CHRDL2: variants seen among roughly 807,000 people sequenced by gnomAD.
CHRDL2 encodes chordin like 2.
In CHRDL2, 41 loss-of-function variants were observed where a neutral mutation model predicts 54.3. The observed-to-expected ratio is 0.76, with a 90% CI of 0.59 to 0.98. The LOEUF (loss-of-function observed/expected upper bound fraction) is 0.98. Ranked by LOEUF, CHRDL2 falls within the 50% of genes least tolerant of loss-of-function variation. The pLI, the probability that CHRDL2 is intolerant of heterozygous loss-of-function variation, is 0.00. For missense variants in CHRDL2, 518 were observed against 562.4 expected, an observed-to-expected ratio of 0.92 and a Z score of 0.80; for synonymous variants, 220 against 224.3, an observed-to-expected ratio of 0.98 and a Z score of 0.17.
intron 4 of CHRDL2, 130 bp downstream of exon 4, chr11:74,710,719 C>G: frequency 8.1e-7 from 1 of 1,237,970 alleles, no homozygotes; most frequent in East Asian, 2.7e-5. Flanking sequence ...CCAGATATTC[C>G]CTTTCCCCTG....
At chr11:74,697,995 C>T (rs1489740004) in intron 9 of CHRDL2, among the ~76,000 whole-genome samples, 1 of 152,092 alleles carries the variant, frequency 6.6e-6, no homozygotes, top group Admixed American at 6.6e-5. Context: ...CCTGAGGAGG[C>T]CAAGCCTTTT....
chr11:74,704,845 T>C, intron 6 of CHRDL2, 191 bp from the exon 7 acceptor site: 1 of 619,628 alleles, frequency 1.6e-6, no homozygotes, highest in South Asian at 1.9e-5. Context: ...AGTTCGATCT[T>C]TGAAAACTCT....
At chr11:74,721,741 T>A in intron 1 of CHRDL2, among the ~76,000 whole-genome samples, 1 of 152,264 alleles carries the variant, frequency 6.6e-6, no homozygotes, top group Middle Eastern at 3.2e-3. Flanking sequence ...AAGTTCACTG[T>A]GTGACATTCA....
intron 2 of CHRDL2, among the ~76,000 whole-genome samples, chr11:74,714,790 C>T (rs2034298401): frequency 6.6e-6 from 1 of 152,186 alleles, no homozygotes; most frequent in Non-Finnish European, 1.5e-5. Context: ...TAGAATCGGT[C>T]TCTTGATTCT....
chr11:74,702,575 C>T (rs1277821699), intron 9 of CHRDL2, among the ~76,000 whole-genome samples: 1 of 152,222 alleles, frequency 6.6e-6, no homozygotes, highest in Non-Finnish European at 1.5e-5. Context: ...AGAGGGAGCA[C>T]TATCGAGCCT....
chr11:74,702,281 C>CT (rs1449198288), intron 9 of CHRDL2, among the ~76,000 whole-genome samples: 5 of 151,664 alleles, frequency 3.3e-5, no homozygotes, highest in Admixed American at 6.6e-5. Flanking sequence ...GAAAAAACTC[C>CT]TCTTGACCTT....
chr11:74,722,864 A>G (rs1199191864), intron 1 of CHRDL2, among the ~76,000 whole-genome samples: 2 of 152,200 alleles, frequency 1.3e-5, no homozygotes, highest in African/African-American at 4.8e-5. Context: ...GAGAATGGGA[A>G]GGCAGGAGTG....
At chr11:74,719,831 T>A (rs1744688046) in intron 1 of CHRDL2, among the ~76,000 whole-genome samples, 1 of 152,122 alleles carries the variant, frequency 6.6e-6, no homozygotes, top group African/African-American at 2.4e-5. Flanking sequence ...AACCCACTGA[T>A]CCACTCCTGC....
At chr11:74,702,432 A>G (rs1433569292) in intron 9 of CHRDL2, among the ~76,000 whole-genome samples, 5 of 152,060 alleles carry the variant, frequency 3.3e-5, no homozygotes, top group Non-Finnish European at 5.9e-5. Flanking sequence ...AGGCCCTCCT[A>G]CTCTGAGGAT....
rs756931331 is a variant in CHRDL2 at position 74,703,478 on chromosome 11, G to A, written c.773C>T (p.Thr258Met). The A allele has an allele frequency of 2.4e-5, 38 of 1,604,902 alleles. No individual in the cohort carries two copies. The highest frequency in any genetic ancestry group is 1.0e-4 in the South Asian group (9 of 90,054). The change falls in exon 8 of 11, where the codon ACG (threonine) becomes ATG (methionine). Residue 258 changes from threonine (T) to methionine (M), a missense_variant. Transcript: ENST00000376332. ...GTGCCACACCTCCCCGTGGGAGTAC[G>A]TCTTCCCGCCATGCACACAGGCTGA... ...HKKACVHGGKTYSHGEVWHPA... is the reference protein window; with the variant it reads ...HKKACVHGGKMYSHGEVWHPA...
intron 5 of CHRDL2, among the ~76,000 whole-genome samples, chr11:74,708,040 C>T (rs2034065152): frequency 6.6e-6 from 1 of 152,176 alleles, no homozygotes; most frequent in Non-Finnish European, 1.5e-5. Flanking sequence ...GGACATATTC[C>T]TGTATTGCTT....
chr11:74,700,649 T>TA (rs1565147117), intron 9 of CHRDL2, among the ~76,000 whole-genome samples: 2 of 141,362 alleles, frequency 1.4e-5, no homozygotes, highest in African/African-American at 2.5e-5. Context: ...TATTATTTTT[T>TA]TTTTTTTGAG....
chr11:74,696,839 C>T (rs1218316739), intron 10 of CHRDL2, among the ~76,000 whole-genome samples: 1 of 152,178 alleles, frequency 6.6e-6, no homozygotes, highest in Non-Finnish European at 1.5e-5. Flanking sequence ...CTGTGACCTC[C>T]CCTCCCCGAC....
In CHRDL2 at chr11:74,731,122, AGAT is replaced by A. The variant is rs1369608037; in HGVS notation, c.-237_-235del. 5 of 548,334 alleles carry A rather than the reference AGAT, an allele frequency of 9.1e-6. No homozygotes were observed. The African/African-American group carries it at 9.7e-5, about 11-fold the overall frequency. 34.0% of individuals were successfully genotyped at this position (548,334 alleles called of 1,614,324 possible). ...AAGAGAACGCGGGGAAAGGAGGGAG[AGAT>A]GGAGAGACGAAGGAAGGTCCAGCAG... On this transcript the variant is annotated 5_prime_UTR_variant, in exon 1 of 11. Transcript: ENST00000376332. This position sits in a 1 kb window ranked among gnomAD's most constrained non-coding sequence, Gnocchi z 4.4.
At chr11:74,708,502 A>G (rs142222574) in intron 4 of CHRDL2, 107 bp from the exon 5 acceptor site, 5 of 799,648 alleles carry the variant, frequency 6.3e-6, no homozygotes, top group Non-Finnish European at 9.5e-6. Flanking sequence ...GGTCTCTCCT[A>G]TGGTGGGGAG....
chr11:74,725,849 C>T (rs1005845725), intron 1 of CHRDL2, among the ~76,000 whole-genome samples: 9 of 152,166 alleles, frequency 5.9e-5, no homozygotes, highest in African/African-American at 1.4e-4. Context: ...GAATGTAGAA[C>T]GTTTACATCT....
intron 5 of CHRDL2, 130 bp from the exon 6 acceptor site, chr11:74,706,672 A>G: frequency 1.3e-6 from 1 of 782,082 alleles, no homozygotes; most frequent in Non-Finnish European, 2.1e-6. Context: ...CCAGCCCACT[A>G]GCCAGCTCCT....
chr11:74,730,610 C>T (rs1410765705), intron 1 of CHRDL2, among the ~76,000 whole-genome samples, 197 bp downstream of exon 1: 1 of 152,196 alleles, frequency 6.6e-6, no homozygotes, highest in Non-Finnish European at 1.5e-5. Flanking sequence ...CTGGCAGCAG[C>T]CCTCTCTCAG....
Position 74,697,311 on chromosome 11 carries a change from C to A in CHRDL2, c.1121-14G>T. ...AGTGGAAGATTCCTGAGGGCAGAGA[C>A]AAGGATGTGAGCAGGCAAGGCAAAA... On this transcript the variant is annotated splice_polypyrimidine_tract_variant and intron_variant, in intron 9 of 10. Coordinates refer to ENST00000376332, the MANE Select transcript of CHRDL2 (RefSeq NM_001278473.3). The A allele has an allele frequency of 1.9e-6, 3 of 1,608,584 alleles. No individual in the cohort carries two copies. Among genetic ancestry groups the A allele is most frequent in the Non-Finnish European group, 2.6e-6 (3 of 1,175,532 alleles).
Sources: allele counts gnomAD v4.1 joint callset (sites outside exome capture counted in the v4.1 genomes callset), GRCh38; gene constraint gnomAD v4.1.1; non-coding constraint Gnocchi (gnomAD v3.1); transcripts MANE v1.5; gene names NCBI Gene and HGNC (gene_info 2026-07-23, HGNC 2026-07-21).